UBE2E1: variants seen among roughly 807,000 people sequenced by gnomAD.
The protein encoded by UBE2E1 is ubiquitin conjugating enzyme E2 E1.
In UBE2E1, 6 loss-of-function variants were observed where a neutral mutation model predicts 21.4. The ratio of observed to expected loss-of-function variants is 0.28; its 90% CI spans 0.15 to 0.55. The LOEUF is 0.55. UBE2E1 is among the 20% of genes least tolerant of loss of function. UBE2E1 has a pLI of 0.93. For missense variants in UBE2E1, 142 were observed against 236.5 expected (o/e 0.60, Z 2.62); for synonymous variants, 87 against 82.7 (o/e 1.05, Z -0.28).
In UBE2E1 at chr3:23,876,633, T is replaced by C. The variant is rs1027028069; in HGVS notation, c.204-10934T>C. 1.3e-5 allele frequency among the ~76,000 whole-genome samples: 2 copies of C among 152,190 alleles called. No homozygotes were observed. Among genetic ancestry groups the C allele is most frequent in the African/African-American group, 4.8e-5 (2 of 41,458 alleles). On this transcript the variant is annotated intron_variant, in intron 3 of 5. Coordinates refer to ENST00000306627, the MANE Select transcript of UBE2E1 (RefSeq NM_003341.5). This position sits in a 1 kb window ranked among gnomAD's most constrained non-coding sequence, Gnocchi z 4.3. ...ATTCAGTTTTGGGTTTTTTGTTTTTTGTTTCTTGTTTTTGTTTTTTGTCTT... is the reference window on the plus strand; with the variant it reads ...ATTCAGTTTTGGGTTTTTTGTTTTTCGTTTCTTGTTTTTGTTTTTTGTCTT...
intron 3 of UBE2E1, among the ~76,000 whole-genome samples, chr3:23,834,261 C>A (rs532640397): frequency 3.3e-5 from 5 of 152,152 alleles, no homozygotes; most frequent in African/African-American, 1.2e-4. Context: ...GCACTATAAT[C>A]TTGGGCAGAT....
chr3:23,825,742 T>G (rs1699744173), intron 3 of UBE2E1, among the ~76,000 whole-genome samples: 1 of 152,058 alleles, frequency 6.6e-6, no homozygotes, highest in South Asian at 2.1e-4. Context: ...ACATAGTGAA[T>G]GAGGGTGAGA....
chr3:23,847,488 A>ATTTTTTTTT (rs71057627), intron 3 of UBE2E1, among the ~76,000 whole-genome samples: 7 of 96,126 alleles, frequency 7.3e-5, no homozygotes, highest in Non-Finnish European at 1.2e-4. Context: ...TGTACTTTAA[A>ATTTTTTTTT]TTTTTTTTTT....
At chr3:23,824,577 G>A (rs1559477747) in intron 3 of UBE2E1, among the ~76,000 whole-genome samples, 1 of 152,126 alleles carries the variant, frequency 6.6e-6, no homozygotes, top group Non-Finnish European at 1.5e-5. Flanking sequence ...CAGTTCTGTA[G>A]CTCCTCTGAT....
intron 5 of UBE2E1, among the ~76,000 whole-genome samples, chr3:23,890,073 G>A (rs1701340927): frequency 6.6e-6 from 1 of 152,134 alleles, no homozygotes; most frequent in Non-Finnish European, 1.5e-5. Context: ...AAGGTTAATA[G>A]TGTTGCACTG....
chr3:23,861,050 A>G (rs958266877), intron 3 of UBE2E1, among the ~76,000 whole-genome samples: 1 of 152,236 alleles, frequency 6.6e-6, no homozygotes, highest in Non-Finnish European at 1.5e-5. Context: ...ACAATACCGC[A>G]GGGAGACTGC....
At chr3:23,835,785 G>T (rs1699963704) in intron 3 of UBE2E1, among the ~76,000 whole-genome samples, 1 of 152,068 alleles carries the variant, frequency 6.6e-6, no homozygotes, top group African/African-American at 2.4e-5. Flanking sequence ...TCAATTTGCA[G>T]ATTATTGTTT....
chr3:23,886,727 T>C (rs538302865), intron 3 of UBE2E1, among the ~76,000 whole-genome samples: 3 of 152,230 alleles, frequency 2.0e-5, no homozygotes, highest in Non-Finnish European at 4.4e-5. Flanking sequence ...GTTTGTCTTG[T>C]TCAGCATCAA....
At chr3:23,849,276 C>G (rs1472409758) in intron 3 of UBE2E1, among the ~76,000 whole-genome samples, 1 of 151,970 alleles carries the variant, frequency 6.6e-6, no homozygotes, top group African/African-American at 2.4e-5. Flanking sequence ...TGTAGTTAGC[C>G]TAGTGAGTGT....
intron 3 of UBE2E1, among the ~76,000 whole-genome samples, chr3:23,833,169 G>A (rs755815112): frequency 2.6e-5 from 4 of 151,936 alleles, no homozygotes; most frequent in Non-Finnish European, 5.9e-5. Flanking sequence ...TTGTCTCTTA[G>A]CACTTCCTTT....
rs1228662501 is a variant in UBE2E1, at chr3:23,816,739, A to G, written c.203+5229A>G. Among the ~76,000 whole-genome samples, 1 of 152,186 alleles carries G rather than the reference A, an allele frequency of 6.6e-6. No individual in the cohort carries two copies. The highest frequency in any genetic ancestry group is 2.4e-5 in the African/African-American group (1 of 41,452). Reference sequence around the variant, plus strand: ...AAGGTTATACTAAGTGAAATAAACTAGAACCAAAAAGACAAATAGCGTATG... The same window carrying G: ...AAGGTTATACTAAGTGAAATAAACTGGAACCAAAAAGACAAATAGCGTATG... On this transcript the variant is annotated intron_variant, in intron 3 of 5. Coordinates refer to ENST00000306627, the MANE Select transcript of UBE2E1 (RefSeq NM_003341.5). This position sits in a 1 kb window ranked among gnomAD's most constrained non-coding sequence, Gnocchi z 4.8.
intron 3 of UBE2E1, among the ~76,000 whole-genome samples, chr3:23,848,848 G>A (rs372500878): frequency 3.9e-5 from 6 of 152,288 alleles, no homozygotes; most frequent in Admixed American, 2.6e-4. Flanking sequence ...TAAGCCAAGG[G>A]GGCCTAATAA....
Position 23,853,027 on chromosome 3 carries a change from C to T in UBE2E1, c.204-34540C>T, listed in dbSNP as rs1700359782. On this transcript the variant is annotated intron_variant, in intron 3 of 5. Transcript: ENST00000306627. This position sits in a 1 kb window ranked among gnomAD's most constrained non-coding sequence, Gnocchi z 4.1. ...CGCCTCCTGAGTTCAAGTGATTCTC[C>T]TGCCTCAGCCTCCCAAGTAGCTGGG... is the stretch of plus-strand genomic sequence containing the variant. Among the ~76,000 whole-genome samples, 1 of 152,112 alleles carries T rather than the reference C, an allele frequency of 6.6e-6. No homozygotes were observed. Among genetic ancestry groups the T allele is most frequent in the South Asian group, 2.1e-4 (1 of 4,830 alleles).
At chr3:23,845,587 C>G (rs11917698) in intron 3 of UBE2E1, among the ~76,000 whole-genome samples, 44,061 of 113,714 alleles carry the variant, frequency 0.39, 8,788 homozygotes, top group Middle Eastern at 0.5. Context: ...CTCTCTCTCT[C>G]TCTGTGTGTG....
intron 3 of UBE2E1, among the ~76,000 whole-genome samples, chr3:23,871,646 G>A (rs1427233116): frequency 3.4e-5 from 5 of 145,040 alleles, no homozygotes; most frequent in South Asian, 4.5e-4. Context: ...GGGTCTCCTC[G>A]CTTCTCAGAT....
intron 3 of UBE2E1, among the ~76,000 whole-genome samples, chr3:23,864,088 A>G (rs1220908354): frequency 1.3e-5 from 2 of 152,182 alleles, no homozygotes; most frequent in African/African-American, 4.8e-5. Context: ...TAGAGACCTC[A>G]AGTATCTGAA....
At chr3:23,807,003 T>C in intron 1 of UBE2E1, 1 of 306,828 alleles carries the variant, frequency 3.3e-6, no homozygotes, top group East Asian at 5.3e-5. Context: ...GGGAGGGGCC[T>C]CTCTCCTAGC....
Position 23,887,184 on chromosome 3 carries a change from G to T in UBE2E1, c.204-383G>T, listed in dbSNP as rs1335956326. On this transcript the variant is annotated intron_variant, in intron 3 of 5. Coordinates refer to ENST00000306627, the MANE Select transcript of UBE2E1 (RefSeq NM_003341.5). This position sits in a 1 kb window ranked among gnomAD's most constrained non-coding sequence, Gnocchi z 4.4. ...AAATGAAACTTCTGTGCTTAAAATG[G>T]TCATAAGTGATGTAGCTGTGAGCAA... Among the ~76,000 whole-genome samples the T allele has an allele frequency of 6.6e-6, 1 of 152,182 alleles. No individual in the cohort carries two copies. The highest frequency in any genetic ancestry group is 2.4e-5 in the African/African-American group (1 of 41,428).
chr3:23,885,663 C>A (rs372287799), intron 3 of UBE2E1, among the ~76,000 whole-genome samples: 52 of 152,114 alleles, frequency 3.4e-4, no homozygotes, highest in African/African-American at 1.2e-3. Context: ...GAGTTCAAGA[C>A]CAGCCTGACC....
Sources: gnomAD v4.1 joint callset for allele counts (sites outside exome capture counted in the v4.1 genomes callset) on GRCh38, gnomAD v4.1.1 for gene constraint, Gnocchi (gnomAD v3.1) non-coding constraint, MANE v1.5 for transcripts, NCBI Gene and HGNC (gene_info 2026-07-23, HGNC 2026-07-21) for gene names.